BLTP1: variants seen among roughly 807,000 people sequenced by gnomAD.
BLTP1 encodes fragile site-associated protein.
chr4:122,168,907 G>A, the BLTP1 span, among the ~76,000 whole-genome samples: 1 of 152,024 alleles, frequency 6.6e-6, no homozygotes, highest in African/African-American at 2.4e-5. Flanking sequence ...GAAACATAAT[G>A]TGTTGTAGAT....
At chr4:122,320,545 T>C in the BLTP1 span, among the ~76,000 whole-genome samples, 1 of 152,184 alleles carries the variant, frequency 6.6e-6, no homozygotes, top group Non-Finnish European at 1.5e-5. Flanking sequence ...TTTTTCTTTA[T>C]ACCTGATAAT....
the BLTP1 span, among the ~76,000 whole-genome samples, chr4:122,280,662 TAAAAAAA>T: frequency 1.2e-5 from 1 of 83,036 alleles, no homozygotes; most frequent in Non-Finnish European, 2.5e-5. Context: ...AAATTCCATC[TAAAAAAA>T]AAAAAAAAAA....
the BLTP1 span, among the ~76,000 whole-genome samples, chr4:122,212,424 T>C: frequency 3.3e-5 from 5 of 152,154 alleles, no homozygotes; most frequent in Non-Finnish European, 5.9e-5. Flanking sequence ...CTATAAAGGA[T>C]TTAAAAGGTA....
chr4:122,250,342 G>A, the BLTP1 span: 1 of 1,570,512 alleles, frequency 6.4e-7, no homozygotes, highest in East Asian at 2.2e-5. Flanking sequence ...TATAATAAAT[G>A]CTTTTTTTTA....
chr4:122,307,403 C>CT, the BLTP1 span: 6 of 911,076 alleles, frequency 6.6e-6, no homozygotes, highest in Non-Finnish European at 7.9e-6. Flanking sequence ...GCTTTTCCTC[C>CT]TACTTCTCTG....
At chr4:122,243,473 G>T in the BLTP1 span, 1 of 976,894 alleles carries the variant, frequency 1.0e-6, no homozygotes, top group Non-Finnish European at 1.2e-6. Context: ...AGGCATGGTG[G>T]TTCACACCTG....
the BLTP1 span, chr4:122,152,358 C>T: frequency 1.1e-3 from 1,107 of 985,874 alleles, no homozygotes; most frequent in Non-Finnish European, 1.3e-3. Flanking sequence ...CGGTTGGGAC[C>T]CCTCCCCTCC....
At chr4:122,254,669 A>AAT in the BLTP1 span, 1 of 1,195,802 alleles carries the variant, frequency 8.4e-7, no homozygotes, top group Non-Finnish European at 1.1e-6. Flanking sequence ...ATGCTTTCAT[A>AAT]ATTTATCAGT....
chr4:122,219,625 G>C, the BLTP1 span: 3 of 1,239,662 alleles, frequency 2.4e-6, no homozygotes, highest in Non-Finnish European at 2.3e-6. Flanking sequence ...CCTGTGTATA[G>C]ATGTGAAGCA....
chr4:122,168,180 G>T, the BLTP1 span, among the ~76,000 whole-genome samples: 5 of 152,116 alleles, frequency 3.3e-5, no homozygotes, highest in African/African-American at 1.2e-4. Context: ...TCTAATATTT[G>T]GGAAATATTG....
chr4:122,347,441 G>A, the BLTP1 span: 1 of 1,500,002 alleles, frequency 6.7e-7, no homozygotes, highest in Non-Finnish European at 9.0e-7. Context: ...AGAAATGATG[G>A]ATGGGTGAAC....
chr4:122,263,344 A>G, the BLTP1 span: 1 of 1,433,186 alleles, frequency 7.0e-7, no homozygotes. Flanking sequence ...CTGCAAACAT[A>G]CATTTTAACT....
chr4:122,214,521 C>A, the BLTP1 span: 1 of 941,650 alleles, frequency 1.1e-6, no homozygotes, highest in Non-Finnish European at 1.3e-6. Context: ...ATTTATTAAT[C>A]TTAAAGTACC....
the BLTP1 span, chr4:122,359,851 G>A: frequency 2.6e-5 from 36 of 1,385,912 alleles, no homozygotes; most frequent in Non-Finnish European, 3.3e-5. Flanking sequence ...AATGTCTATA[G>A]CTTCTGTGTG....
the BLTP1 span, chr4:122,249,974 C>G: frequency 1.0e-6 from 1 of 965,916 alleles, no homozygotes; most frequent in Non-Finnish European, 1.2e-6. Context: ...AACTTTGCAT[C>G]TTTGAAAACT....
chr4:122,181,314 A>T, the BLTP1 span: 1 of 632,938 alleles, frequency 1.6e-6, no homozygotes, highest in Non-Finnish European at 2.0e-6. Context: ...TGGGCACTTG[A>T]ACACTCCTCT....
At chr4:122,340,972 G>A in the BLTP1 span, 6 of 268,372 alleles carry the variant, frequency 2.2e-5, no homozygotes, top group Non-Finnish European at 3.4e-5. Flanking sequence ...GGCCTCTTCT[G>A]CTATGTAACT....
the BLTP1 span, chr4:122,353,953 T>G: frequency 1.2e-6 from 2 of 1,613,520 alleles, no homozygotes; most frequent in Non-Finnish European, 1.7e-6. The surrounding 1 kb of genome is among the most constrained non-coding windows in gnomAD (Gnocchi z 4.3). Flanking sequence ...GCCATGAAAA[T>G]CCACCCCATG....
the BLTP1 span, chr4:122,170,770 T>G: frequency 6.5e-7 from 1 of 1,530,854 alleles, no homozygotes; most frequent in Non-Finnish European, 8.9e-7. Context: ...TTCTTCTATT[T>G]TATTGTGTTT....
Sources: allele counts gnomAD v4.1 joint callset (sites outside exome capture counted in the v4.1 genomes callset), GRCh38; gene constraint gnomAD v4.1.1; non-coding constraint Gnocchi (gnomAD v3.1); transcripts MANE v1.5; gene names NCBI Gene and HGNC (gene_info 2026-07-23, HGNC 2026-07-21).